TMED8: variants seen among roughly 807,000 people sequenced by gnomAD.
The protein encoded by TMED8 is protein TMED8.
In TMED8, 15 loss-of-function variants were observed where a neutral mutation model predicts 32.7. The ratio of observed to expected loss-of-function variants is 0.46; its 90% CI spans 0.31 to 0.71. TMED8 has a LOEUF of 0.71. Among genes scored for constraint, TMED8 ranks in the 30% least tolerant of loss-of-function variants. The pLI is 0.06. For missense variants in TMED8, 390 were observed against 423.9 expected (o/e 0.92, Z 0.70); for synonymous variants, 147 against 161.4 (o/e 0.91, Z 0.68).
chr14:77,348,286 C>G (rs1044891506), intron 2 of TMED8, among the ~76,000 whole-genome samples: 1 of 151,396 alleles, frequency 6.6e-6, no homozygotes, highest in Non-Finnish European at 1.5e-5. Flanking sequence ...TGCAGTGGCG[C>G]GATCTCAGCT....
intron 1 of TMED8, among the ~76,000 whole-genome samples, chr14:77,358,181 T>TCACACA (rs75880149): frequency 1.5e-4 from 22 of 145,408 alleles, no homozygotes; most frequent in African/African-American, 3.1e-4. Context: ...ATGTAATATA[T>TCACACA]CACACACACA....
chr14:77,352,443 TA>T (rs201514651), intron 1 of TMED8, among the ~76,000 whole-genome samples: 8 of 133,442 alleles, frequency 6.0e-5, no homozygotes, highest in Admixed American at 1.6e-4. Flanking sequence ...TTTTAAAAAT[TA>T]AAAAAAAAAT....
intron 1 of TMED8, among the ~76,000 whole-genome samples, chr14:77,360,336 T>C (rs1317662766): frequency 2.6e-5 from 4 of 152,128 alleles, no homozygotes. Flanking sequence ...ACCTCCCCCT[T>C]TCCTCTACCA....
intron 1 of TMED8, among the ~76,000 whole-genome samples, chr14:77,362,633 A>C (rs879840993): frequency 3.9e-5 from 6 of 152,158 alleles, no homozygotes; most frequent in Non-Finnish European, 8.8e-5. Flanking sequence ...CCCTATCAAT[A>C]ATAAGCTTGA....
chr14:77,363,058 G>A (rs1232464383), intron 1 of TMED8, among the ~76,000 whole-genome samples: 1 of 152,132 alleles, frequency 6.6e-6, no homozygotes, highest in African/African-American at 2.4e-5. Context: ...TTCAACAATG[G>A]ATACATCAAC....
rs1016729644 is a variant in TMED8 at position 77,337,247 on chromosome 14, T to G, written c.*4524A>C. On this transcript the variant is annotated 3_prime_UTR_variant, in exon 6 of 6. Coordinates refer to ENST00000216468, the MANE Select transcript of TMED8 (RefSeq NM_213601.3). ...AGGACATGTCATCAAGCAACAGAGG[T>G]TAGCATAAAGCCCTTCCGGAGCAGC... 2 of 152,096 alleles carry G rather than the reference T, an allele frequency of 1.3e-5. No individual in the cohort carries two copies. Among genetic ancestry groups the G allele is most frequent in the African/African-American group, 4.8e-5 (2 of 41,406 alleles). The allele number at this position is 152,096 out of a possible 1,614,324, so 9.4% of individuals were successfully genotyped here.
intron 1 of TMED8, among the ~76,000 whole-genome samples, chr14:77,369,822 C>T (rs1279006059): frequency 6.6e-6 from 1 of 152,140 alleles, no homozygotes; most frequent in Non-Finnish European, 1.5e-5. Flanking sequence ...ATCCATATTG[C>T]CTATTTACCC....
At chr14:77,358,645 C>T (rs1014444819) in intron 1 of TMED8, among the ~76,000 whole-genome samples, 1 of 152,076 alleles carries the variant, frequency 6.6e-6, no homozygotes, top group Non-Finnish European at 1.5e-5. Flanking sequence ...TTGTATTTTT[C>T]GGTCTTGTTG....
chr14:77,374,086 T>A (rs1893759176), intron 1 of TMED8, among the ~76,000 whole-genome samples: 2 of 152,230 alleles, frequency 1.3e-5, no homozygotes, highest in African/African-American at 4.8e-5. Flanking sequence ...GTATTCCAAA[T>A]GGACTAACAG....
At chr14:77,343,922 A>C in intron 3 of TMED8, 99 bp from the exon 4 acceptor site, 3 of 1,247,984 alleles carry the variant, frequency 2.4e-6, no homozygotes, top group Non-Finnish European at 3.3e-6. Context: ...TATTATCTCC[A>C]CTATCCCCAC....
intron 1 of TMED8, among the ~76,000 whole-genome samples, chr14:77,359,130 A>C (rs1893369779): frequency 6.6e-6 from 1 of 152,128 alleles, no homozygotes; most frequent in African/African-American, 2.4e-5. Context: ...GCTGATCTCA[A>C]AACTCCTGAG....
chr14:77,367,268 C>G (rs1459956418), intron 1 of TMED8, among the ~76,000 whole-genome samples: 1 of 110,064 alleles, frequency 9.1e-6, no homozygotes, highest in East Asian at 2.8e-4. Context: ...AAAAAAAAAA[C>G]TTTTTAAATC....
intron 1 of TMED8, among the ~76,000 whole-genome samples, chr14:77,365,613 CAG>C (rs779042146): frequency 1.8e-4 from 27 of 152,180 alleles, no homozygotes; most frequent in Non-Finnish European, 2.8e-4. Context: ...TGCACCAATG[CAG>C]AGAGATGAGC....
chr14:77,347,591 A>G (rs1893080254), intron 2 of TMED8, among the ~76,000 whole-genome samples: 1 of 152,176 alleles, frequency 6.6e-6, no homozygotes, highest in Non-Finnish European at 1.5e-5. Flanking sequence ...TAGTAGAGAC[A>G]GTGTTTCTCC....
intron 4 of TMED8, 51 bp from the exon 5 acceptor site, chr14:77,343,534 C>A (rs746781624): frequency 1.3e-6 from 2 of 1,595,934 alleles, no homozygotes; most frequent in Non-Finnish European, 1.7e-6. Context: ...AACATGAGTA[C>A]CCCGGGCATT....
intron 1 of TMED8, among the ~76,000 whole-genome samples, chr14:77,352,450 A>T (rs1249905437): frequency 6.6e-6 from 1 of 151,388 alleles, no homozygotes; most frequent in Non-Finnish European, 1.5e-5. Flanking sequence ...AATTAAAAAA[A>T]AAATAGGGCC....
chr14:77,345,810 A>C (rs1281449004), intron 3 of TMED8, among the ~76,000 whole-genome samples: 2 of 151,998 alleles, frequency 1.3e-5, no homozygotes, highest in African/African-American at 4.8e-5. Context: ...CCTCTACTAA[A>C]AATACAAAAA....
intron 1 of TMED8, among the ~76,000 whole-genome samples, chr14:77,372,960 T>A (rs1477881784): frequency 4.7e-4 from 30 of 63,340 alleles, no homozygotes; most frequent in Non-Finnish European, 7.2e-4. Flanking sequence ...ATATTTTTTT[T>A]TTTTTTTTTT....
At chr14:77,370,064 C>G (rs1280309175) in intron 1 of TMED8, among the ~76,000 whole-genome samples, 3 of 151,508 alleles carry the variant, frequency 2.0e-5, no homozygotes, top group African/African-American at 7.3e-5. Context: ...CCCAGCTACT[C>G]GGGAGGCTGA....
Sources: allele counts gnomAD v4.1 joint callset (sites outside exome capture counted in the v4.1 genomes callset), GRCh38; gene constraint gnomAD v4.1.1; transcripts MANE v1.5; gene names NCBI Gene and HGNC (gene_info 2026-07-23, HGNC 2026-07-21).